The following CDYL variants were observed in gnomAD, a reference collection of about 807,000 sequenced individuals.
CDYL encodes the protein chromodomain Y-like protein.
CDYL carries 8 observed loss-of-function variants against 47.3 expected under a neutral mutation model. That is an observed-to-expected ratio of 0.17 (90% confidence interval 0.10 to 0.31). The LOEUF (loss-of-function observed/expected upper bound fraction) is 0.31, where lower values mean the gene tolerates loss of function less well. Ranked by LOEUF, CDYL falls within the 10% of genes least tolerant of loss-of-function variation. The probability of loss-of-function intolerance (pLI) is 1.00; values close to 1 mark genes in which losing one functional copy is unlikely to be tolerated. For synonymous variants in CDYL, 266 were observed against 265.0 expected (o/e 1.00, Z -0.04); for missense variants, 471 against 701.4 (o/e 0.67, Z 3.71).
At chr6:4,751,253 A>G (rs1300232641) in intron 3 of CDYL, among the ~76,000 whole-genome samples, 7 of 152,200 alleles carry the variant, frequency 4.6e-5, no homozygotes, top group Non-Finnish European at 1.0e-4. Context: ...TACTTGCTAT[A>G]CAAACTGTGG....
At chr6:4,935,794 C>T (rs757031194) in intron 3 of CDYL, 23 bp downstream of exon 3, 26 of 1,611,106 alleles carry the variant, frequency 1.6e-5, no homozygotes, top group African/African-American at 2.7e-5. Flanking sequence ...CTTGGGCTGG[C>T]GTGGGCTTCG....
Position 4,844,078 on chromosome 6 carries a change from C to T in CDYL, c.25-47635C>T, listed in dbSNP as rs556189430. On this transcript the variant is annotated intron_variant, in intron 1 of 6. Transcript: ENST00000397588. ...GGATGTGGCTTTCTGAGAGCCAAAC[C>T]GTGGTGATTGTTTTTTCTCTTCCGG... is the stretch of plus-strand genomic sequence containing the variant. 2.0e-5 allele frequency among the ~76,000 whole-genome samples: 3 copies of T among 152,146 alleles called. No homozygotes were observed. In the South Asian group the frequency reaches 6.2e-4, roughly 32 times the overall value.
chr6:4,819,248 C>A (rs1454388546), intron 1 of CDYL, among the ~76,000 whole-genome samples: 3 of 147,302 alleles, frequency 2.0e-5, no homozygotes, highest in Non-Finnish European at 4.5e-5. Context: ...GGATTTAATG[C>A]TTTTATTATA....
At chr6:4,877,139 C>T (rs1468309584) in intron 1 of CDYL, among the ~76,000 whole-genome samples, 3 of 152,178 alleles carry the variant, frequency 2.0e-5, no homozygotes, top group African/African-American at 7.2e-5. Context: ...ATGAATTACC[C>T]AGTCTGAGGT....
intron 2 of CDYL, among the ~76,000 whole-genome samples, chr6:4,923,096 C>T (rs891123224): frequency 6.6e-6 from 1 of 152,152 alleles, no homozygotes; most frequent in Non-Finnish European, 1.5e-5. Context: ...TTAAAATCTG[C>T]TCTATTTGAA....
At chr6:4,861,424 G>T (rs1761165866) in intron 1 of CDYL, among the ~76,000 whole-genome samples, 1 of 152,214 alleles carries the variant, frequency 6.6e-6, no homozygotes, top group South Asian at 2.1e-4. Context: ...TAGAGCCAGA[G>T]ATGCTGTCCT....
intron 1 of CDYL, among the ~76,000 whole-genome samples, chr6:4,791,804 C>T (rs1198649084): frequency 6.6e-6 from 1 of 151,614 alleles, no homozygotes; most frequent in Non-Finnish European, 1.5e-5. Flanking sequence ...ATACAGTTAA[C>T]AGTTATTTCA....
intron 3 of CDYL, among the ~76,000 whole-genome samples, chr6:4,768,504 T>C (rs2127424883): frequency 6.6e-6 from 1 of 151,924 alleles, no homozygotes; most frequent in South Asian, 2.1e-4. Flanking sequence ...AGCTAGAGAA[T>C]CTGATCAAGG....
intron 1 of CDYL, among the ~76,000 whole-genome samples, chr6:4,818,763 G>T (rs116250539): frequency 2.0e-5 from 3 of 152,186 alleles, no homozygotes; most frequent in Non-Finnish European, 2.9e-5. Context: ...TGTGAAAGCT[G>T]ACTCTGACCA....
rs777687792 is a variant in CDYL at position 4,710,692 on chromosome 6, C to CCG, written c.-39+4442_-39+4443dup. 4.7e-4 allele frequency among the ~76,000 whole-genome samples: 71 copies of CCG among 152,190 alleles called. 1 individual carries two copies. Among genetic ancestry groups the CCG allele is most frequent in the Admixed American group, 7.9e-4 (12 of 15,272 alleles). ...CAGGTCCCACAGGCACGCTGTGCTC[C>CCG]CGTCTTTATTCTCTGCTCCTTGTAC... On this transcript the variant is annotated intron_variant, in intron 1 of 8. Coordinates refer to the CDYL transcript ENST00000328908.
intron 2 of CDYL, among the ~76,000 whole-genome samples, chr6:4,921,316 GC>G (rs1236267743): frequency 6.6e-6 from 1 of 152,112 alleles, no homozygotes; most frequent in Non-Finnish European, 1.5e-5. Flanking sequence ...CCACATGGTG[GC>G]CCAGCACCGG....
intron 1 of CDYL, among the ~76,000 whole-genome samples, chr6:4,837,210 C>T (rs1760343013): frequency 6.6e-6 from 1 of 152,162 alleles, no homozygotes; most frequent in Non-Finnish European, 1.5e-5. Context: ...GTGTACATTC[C>T]TCACAGTGTT....
intron 1 of CDYL, among the ~76,000 whole-genome samples, chr6:4,777,024 G>C (rs956370882): frequency 9.6e-4 from 101 of 105,098 alleles, no homozygotes; most frequent in African/African-American, 3.3e-3. Flanking sequence ...GGCGTGGGGT[G>C]GGGGGGGGGG....
Position 4,891,955 on chromosome 6 carries a change from C to T in CDYL, c.267C>T (p.Ser89=), listed in dbSNP as rs201622502. 1.9e-4 allele frequency: 303 copies of T among 1,614,050 alleles called. No homozygotes were observed. Among genetic ancestry groups the T allele is most frequent in the Non-Finnish European group, 2.5e-4 (293 of 1,180,034 alleles). The change falls in exon 2 of 7, where the codon AGC becomes AGT. Residue 89 remains serine, a synonymous_variant. Coordinates refer to ENST00000397588, the MANE Select transcript of CDYL (RefSeq NM_004824.4). ...AACAAATCTCCAGATCCACCAACAG[C>T]AACTTTTCTAAGACCTCTCCTAAGG... ...ARKQISRSTN[S]NFSKTSPKAL...
intron 1 of CDYL, among the ~76,000 whole-genome samples, chr6:4,817,931 T>A (rs976792118): frequency 6.6e-6 from 1 of 152,222 alleles, no homozygotes; most frequent in African/African-American, 2.4e-5. Flanking sequence ...AGCCTTTAAA[T>A]GCTTAAGTAA....
At chr6:4,822,331 C>T (rs1759863956) in intron 1 of CDYL, among the ~76,000 whole-genome samples, 1 of 151,766 alleles carries the variant, frequency 6.6e-6, no homozygotes, top group Non-Finnish European at 1.5e-5. Context: ...TTCTTTTAAA[C>T]GTAAATATTA....
chr6:4,857,837 C>G (rs1332469177), intron 1 of CDYL, among the ~76,000 whole-genome samples: 1 of 152,182 alleles, frequency 6.6e-6, no homozygotes, highest in East Asian at 1.9e-4. Flanking sequence ...TGCTGTGTTC[C>G]TTGAACCCTT....
At chr6:4,859,050 A>C (rs2127467513) in intron 1 of CDYL, among the ~76,000 whole-genome samples, 1 of 152,344 alleles carries the variant, frequency 6.6e-6, no homozygotes, top group South Asian at 2.1e-4. Context: ...TCCTAGAGCT[A>C]GAATCATTTG....
intron 1 of CDYL, among the ~76,000 whole-genome samples, chr6:4,830,655 A>G (rs187441957): frequency 6.6e-6 from 1 of 152,110 alleles, no homozygotes; most frequent in Admixed American, 6.5e-5. Flanking sequence ...CACAATGTGC[A>G]GGTTAGTGAC....
Sources: allele counts gnomAD v4.1 joint callset (sites outside exome capture counted in the v4.1 genomes callset), GRCh38; gene constraint gnomAD v4.1.1; transcripts MANE v1.5; gene names NCBI Gene and HGNC (gene_info 2026-07-23, HGNC 2026-07-21).